LHFPL4: variants seen among roughly 807,000 people sequenced by gnomAD.
LHFPL4 encodes LHFPL tetraspan subfamily member 4.
Under a neutral mutation model 20.0 loss-of-function variants are expected in LHFPL4, and 6 were observed. The observed-to-expected ratio is 0.30, with a 90% CI of 0.16 to 0.59. LHFPL4 has a LOEUF of 0.59. LHFPL4 is among the 20% of genes least tolerant of loss of function. The pLI, the probability that LHFPL4 is intolerant of heterozygous loss-of-function variation, is 0.88. For synonymous variants in LHFPL4, 129 were observed against 143.8 expected (o/e 0.90, Z 0.74); for missense variants, 215 against 331.2 (o/e 0.65, Z 2.72).
At chr3:9,519,218 C>T (rs2125659280) in intron 2 of LHFPL4, among the ~76,000 whole-genome samples, 1 of 152,174 alleles carries the variant, frequency 6.6e-6, no homozygotes, top group Middle Eastern at 3.4e-3. Flanking sequence ...GGATTACAGG[C>T]ATGAGCCACC....
At chr3:9,523,747 T>A (rs1180137290) in intron 2 of LHFPL4, among the ~76,000 whole-genome samples, 5 of 152,096 alleles carry the variant, frequency 3.3e-5, no homozygotes, top group Non-Finnish European at 5.9e-5. Context: ...TGAGAAAAGT[T>A]TTTATTTTAC....
intron 3 of LHFPL4, among the ~76,000 whole-genome samples, chr3:9,504,871 C>T (rs1159636251): frequency 6.6e-6 from 1 of 151,208 alleles, no homozygotes; most frequent in African/African-American, 2.4e-5. Flanking sequence ...TTAAACAATA[C>T]ATTGCTTAGT....
intron 2 of LHFPL4, among the ~76,000 whole-genome samples, chr3:9,550,154 C>T (rs1020604124): frequency 6.6e-6 from 1 of 152,220 alleles, no homozygotes; most frequent in African/African-American, 2.4e-5. Context: ...CCAAGTCAGC[C>T]AAGAACCCCC....
rs560120436 is a variant in LHFPL4 at position 9,499,698 on chromosome 3, G to A, written c.*2513C>T. The A allele has an allele frequency of 5.2e-5, 8 of 152,644 alleles. No homozygotes were observed. In the East Asian group the frequency reaches 1.5e-3, roughly 29 times the overall value. 9.5% of individuals were successfully genotyped at this position (152,644 alleles called of 1,614,324 possible). A position where few individuals can be genotyped will look rare whatever the true frequency, so the allele number is the denominator to read the frequency against. On this transcript the variant is annotated 3_prime_UTR_variant, in exon 4 of 4. Coordinates refer to ENST00000287585, the MANE Select transcript of LHFPL4 (RefSeq NM_198560.3). ...TGCCCCGGGCCTCCAGCCTCTGAAA[G>A]GTCAGTTCTATCCCCCGCACCAGGG...
At chr3:9,547,750 T>C (rs1312340482) in intron 2 of LHFPL4, among the ~76,000 whole-genome samples, 1 of 152,176 alleles carries the variant, frequency 6.6e-6, no homozygotes, top group Non-Finnish European at 1.5e-5. Flanking sequence ...TCCCCACAAT[T>C]AATCCTCCTT....
chr3:9,512,945 TTTTG>T (rs371214083), intron 2 of LHFPL4, among the ~76,000 whole-genome samples: 6,237 of 152,070 alleles, frequency 0.041, 175 homozygotes, highest in Non-Finnish European at 0.062. Flanking sequence ...TAGGACATTT[TTTTG>T]TTTGTTTGTT....
chr3:9,543,640 A>G (rs1361363614), intron 2 of LHFPL4, among the ~76,000 whole-genome samples: 1 of 151,952 alleles, frequency 6.6e-6, no homozygotes, highest in East Asian at 1.9e-4. Flanking sequence ...CTGCTCCCAA[A>G]GTACTCTGAC....
chr3:9,516,355 T>A (rs1030339978), intron 2 of LHFPL4, among the ~76,000 whole-genome samples: 8 of 152,186 alleles, frequency 5.3e-5, no homozygotes, highest in African/African-American at 1.9e-4. Flanking sequence ...TTCCCCATTG[T>A]GTTGCCTTTG....
intron 3 of LHFPL4, among the ~76,000 whole-genome samples, chr3:9,505,547 G>A (rs190044380): frequency 3.3e-5 from 5 of 152,032 alleles, no homozygotes; most frequent in South Asian, 4.2e-4. Context: ...TCCACCTCCC[G>A]GGTTCATGCC....
intron 2 of LHFPL4, among the ~76,000 whole-genome samples, chr3:9,530,094 G>A (rs1036860049): frequency 2.0e-5 from 3 of 152,116 alleles, no homozygotes; most frequent in Non-Finnish European, 2.9e-5. Context: ...GAATTTTCAC[G>A]TGGTAAATGA....
At chr3:9,504,428 C>T (rs1343190295) in intron 3 of LHFPL4, among the ~76,000 whole-genome samples, 1 of 151,712 alleles carries the variant, frequency 6.6e-6, no homozygotes, top group African/African-American at 2.4e-5. Context: ...TTGCATATAC[C>T]TCCACGCTCC....
At chr3:9,514,192 A>G (rs1273505005) in intron 2 of LHFPL4, among the ~76,000 whole-genome samples, 1 of 152,188 alleles carries the variant, frequency 6.6e-6, no homozygotes, top group East Asian at 1.9e-4. Flanking sequence ...CTGTAATCCC[A>G]GTACTTTGGG....
At chr3:9,515,289 T>TATGGG (rs1436209061) in intron 2 of LHFPL4, among the ~76,000 whole-genome samples, 1 of 152,240 alleles carries the variant, frequency 6.6e-6, no homozygotes, top group Non-Finnish European at 1.5e-5. Flanking sequence ...ATGCCATCTG[T>TATGGG]ATATCTTCCT....
At chr3:9,526,360 A>T (rs567995264) in intron 2 of LHFPL4, among the ~76,000 whole-genome samples, 2 of 152,242 alleles carry the variant, frequency 1.3e-5, no homozygotes, top group Non-Finnish European at 2.9e-5. Context: ...ATTGTGCACC[A>T]AAAGACAGTA....
intron 2 of LHFPL4, among the ~76,000 whole-genome samples, chr3:9,542,671 T>C (rs1259699540): frequency 6.6e-6 from 1 of 151,898 alleles, no homozygotes; most frequent in Non-Finnish European, 1.5e-5. Context: ...TAGCCGGGCA[T>C]GGTGACACGT....
chr3:9,510,329 T>C (rs2046249813), intron 2 of LHFPL4, among the ~76,000 whole-genome samples: 2 of 151,210 alleles, frequency 1.3e-5, no homozygotes, highest in African/African-American at 4.9e-5. Context: ...TCCCAGCTCC[T>C]CAGGAGGCTG....
At chr3:9,521,344 C>T (rs754834407) in intron 2 of LHFPL4, among the ~76,000 whole-genome samples, 34 of 151,488 alleles carry the variant, frequency 2.2e-4, no homozygotes, top group Admixed American at 7.2e-4. Flanking sequence ...CCCACTTCAG[C>T]CTCCTGAGTA....
At chr3:9,540,781 G>A (rs2046472066) in intron 2 of LHFPL4, among the ~76,000 whole-genome samples, 1 of 151,510 alleles carries the variant, frequency 6.6e-6, no homozygotes, top group African/African-American at 2.4e-5. Flanking sequence ...TATGCCTGTG[G>A]TCCCAGCTAC....
chr3:9,502,423 C>T (rs1049898666), intron 3 of LHFPL4, 112 bp from the exon 4 acceptor site: 24 of 786,810 alleles, frequency 3.1e-5, no homozygotes, highest in Admixed American at 2.7e-4. Flanking sequence ...GCAGAGGGGC[C>T]GGGCGCGGTG....
Sources: gnomAD v4.1 joint callset for allele counts (sites outside exome capture counted in the v4.1 genomes callset) on GRCh38, gnomAD v4.1.1 for gene constraint, MANE v1.5 for transcripts, NCBI Gene and HGNC (gene_info 2026-07-23, HGNC 2026-07-21) for gene names.